Variants in TRIP4 observed in about 807,000 individuals in gnomAD.
TRIP4 encodes the protein thyroid hormone receptor interactor 4.
A neutral mutation model predicts 81.8 loss-of-function variants in TRIP4; 54 were observed. The ratio of observed to expected loss-of-function variants is 0.66; its 90% CI spans 0.53 to 0.83. TRIP4 has a LOEUF of 0.83. Among genes scored for constraint, TRIP4 ranks in the 40% least tolerant of loss-of-function variants. The probability of loss-of-function intolerance (pLI) is 0.00; values close to 1 mark genes in which losing one functional copy is unlikely to be tolerated. For synonymous variants in TRIP4, 270 were observed against 242.8 expected (o/e 1.11, Z -1.04); for missense variants, 662 against 683.6 (o/e 0.97, Z 0.35).
In TRIP4 at chr15:64,409,559, C is replaced by T. The variant is rs1891713523; in HGVS notation, c.828-54C>T. ...TACCTTGAAACTGTTTTCCAATAAT[C>T]GGTCCTTATTTGTCAACAGATGACC... On this transcript the variant is annotated intron_variant, in intron 6 of 12. Coordinates refer to ENST00000261884, the MANE Select transcript of TRIP4 (RefSeq NM_016213.5). The T allele has an allele frequency of 9.2e-6, 14 of 1,513,610 alleles. 1 individual carries two copies. In the East Asian group the frequency reaches 1.1e-4, roughly 12 times the overall value. 93.8% of individuals were successfully genotyped at this position (1,513,610 alleles called of 1,614,324 possible). A position where few individuals can be genotyped will look rare whatever the true frequency, so the allele number is the denominator to read the frequency against.
Position 64,425,648 on chromosome 15 carries a change from T to G in TRIP4, c.1575+17T>G. ...AAGGAGCAGGTGAGTAAAGAATACTTTTTTTTTTTAGAGACAGGGTTTCGC... is the reference window on the plus strand; with the variant it reads ...AAGGAGCAGGTGAGTAAAGAATACTGTTTTTTTTTAGAGACAGGGTTTCGC... On this transcript the variant is annotated intron_variant, in intron 11 of 12. Coordinates refer to ENST00000261884, the MANE Select transcript of TRIP4 (RefSeq NM_016213.5). The G allele has an allele frequency of 1.3e-6, 2 of 1,535,476 alleles. No individual in the cohort carries two copies. The highest frequency in any genetic ancestry group is 1.8e-6 in the Non-Finnish European group (2 of 1,129,358).
intron 1 of TRIP4, among the ~76,000 whole-genome samples, chr15:64,392,152 G>A (rs1900151942): frequency 6.6e-6 from 1 of 150,978 alleles, no homozygotes; most frequent in African/African-American, 2.4e-5. Flanking sequence ...ACAAAAATTA[G>A]CCGGGTGTGG....
chr15:64,448,696 C>G lies in TRIP4; in HGVS notation c.1678+3588C>G, dbSNP rs373354568. Among the ~76,000 whole-genome samples, 6 of 152,240 alleles carry G rather than the reference C, an allele frequency of 3.9e-5. No individual in the cohort carries two copies. The East Asian group carries it at 1.2e-3, about 29-fold the overall frequency. On this transcript the variant is annotated intron_variant, in intron 12 of 12. Coordinates refer to ENST00000261884, the MANE Select transcript of TRIP4 (RefSeq NM_016213.5). Reference sequence around the variant, plus strand: ...CCCAGGCTGGTCTTGAACTCCTGAGCTCAGGTGATCCATCCACCTTGGCCT... The same window carrying G: ...CCCAGGCTGGTCTTGAACTCCTGAGGTCAGGTGATCCATCCACCTTGGCCT...
chr15:64,453,765 T>C (rs1368410699), intron 12 of TRIP4, among the ~76,000 whole-genome samples: 1 of 152,196 alleles, frequency 6.6e-6, no homozygotes, highest in East Asian at 1.9e-4. Context: ...AAGAGAGATA[T>C]ACAGACAGAC....
At chr15:64,420,514 T>C (rs1891988049) in intron 9 of TRIP4, among the ~76,000 whole-genome samples, 1 of 140,498 alleles carries the variant, frequency 7.1e-6, no homozygotes, top group African/African-American at 2.5e-5. Context: ...AACATATGTC[T>C]TTTGCTTCTT....
At chr15:64,425,754 A>AG in intron 11 of TRIP4, 123 bp downstream of exon 11, 4 of 659,948 alleles carry the variant, frequency 6.1e-6, no homozygotes, top group Non-Finnish European at 7.5e-6. Flanking sequence ...ATGAGCCACC[A>AG]CACCCAGCCT....
rs566329448 is a variant in TRIP4, at chr15:64,411,917, G to A, written c.1043+2089G>A. ...AGGATGGTCTCAATCTCCTGACCTC[G>A]TGATCCACCCGCCTCGGCCTCCCAA... On this transcript the variant is annotated intron_variant, in intron 7 of 12. Coordinates refer to ENST00000261884, the MANE Select transcript of TRIP4 (RefSeq NM_016213.5). Among the ~76,000 whole-genome samples, 6 of 139,834 alleles carry A rather than the reference G, an allele frequency of 4.3e-5. No individual in the cohort carries two copies. The East Asian group carries it at 1.1e-3, about 25-fold the overall frequency. The allele number at this position is 139,834 out of a possible 152,430, so 91.7% of individuals were successfully genotyped here. A position where few individuals can be genotyped will look rare whatever the true frequency, so the allele number is the denominator to read the frequency against.
chr15:64,398,079 T>G (rs536633351), intron 4 of TRIP4, among the ~76,000 whole-genome samples: 1 of 152,168 alleles, frequency 6.6e-6, no homozygotes, highest in Non-Finnish European at 1.5e-5. Flanking sequence ...TTTTTTGTAT[T>G]TTTATTAGAG....
intron 8 of TRIP4, among the ~76,000 whole-genome samples, chr15:64,414,593 T>A (rs1460658936): frequency 2.2e-5 from 3 of 135,908 alleles, no homozygotes; most frequent in Non-Finnish European, 3.1e-5. Context: ...CTCGGGTCAC[T>A]GCAACCTCCG....
chr15:64,449,984 C>G (rs1300732365), intron 12 of TRIP4, among the ~76,000 whole-genome samples: 1 of 152,108 alleles, frequency 6.6e-6, no homozygotes. Flanking sequence ...AACACTGAAA[C>G]GATTAGGTAC....
chr15:64,405,339 G>A (rs1462405668), intron 5 of TRIP4, among the ~76,000 whole-genome samples: 2 of 151,500 alleles, frequency 1.3e-5, no homozygotes, highest in African/African-American at 4.9e-5. Context: ...TATTTTTAGT[G>A]GAGACAGGGT....
chr15:64,425,152 T>G (rs773245532), intron 10 of TRIP4, among the ~76,000 whole-genome samples: 1 of 152,114 alleles, frequency 6.6e-6, no homozygotes, highest in African/African-American at 2.4e-5. Flanking sequence ...TTTAACCACA[T>G]TTTGATGTTT....
At chr15:64,446,827 G>A (rs1454795776) in intron 12 of TRIP4, among the ~76,000 whole-genome samples, 4 of 151,818 alleles carry the variant, frequency 2.6e-5, no homozygotes, top group Non-Finnish European at 5.9e-5. Flanking sequence ...ATAGTGGGCC[G>A]GGCGTGGTGG....
At chr15:64,417,768 C>T (rs559763850) in intron 8 of TRIP4, among the ~76,000 whole-genome samples, 8 of 152,182 alleles carry the variant, frequency 5.3e-5, no homozygotes, top group Non-Finnish European at 1.2e-4. Context: ...TCTGACCTGA[C>T]AACATCTGTT....
At chr15:64,443,251 A>C (rs1048521446) in intron 11 of TRIP4, among the ~76,000 whole-genome samples, 3 of 152,220 alleles carry the variant, frequency 2.0e-5, no homozygotes, top group African/African-American at 7.2e-5. Context: ...ATTTTGTTTC[A>C]TGCCAGACAT....
Position 64,409,739 on chromosome 15 carries a change from C to T in TRIP4, c.954C>T (p.His318=), listed in dbSNP as rs138922831. 198 of 1,614,076 alleles carry T rather than the reference C, an allele frequency of 1.2e-4. No homozygotes were observed. Among genetic ancestry groups the T allele is most frequent in the African/African-American group, 5.5e-4 (41 of 74,998 alleles). Reference sequence around the variant, plus strand: ...AGGAGGAGCTGAGAGAACTTCGACACGCCTCTCGACTTTCTAAGAAGGTCA... The same window carrying T: ...AGGAGGAGCTGAGAGAACTTCGACATGCCTCTCGACTTTCTAAGAAGGTCA... ...KREEELRELR[H]ASRLSKKVTI... The change falls in exon 7 of 13, where the codon CAC becomes CAT. Residue 318 remains histidine (H), a synonymous_variant. Coordinates refer to ENST00000261884, the MANE Select transcript of TRIP4 (RefSeq NM_016213.5).
Position 64,418,469 on chromosome 15 carries a change from C to A in TRIP4, c.1171-72C>A, listed in dbSNP as rs188757575. 10 of 1,404,022 alleles carry A rather than the reference C, an allele frequency of 7.1e-6. No homozygotes were observed. The Admixed American group carries it at 1.2e-4, about 17-fold the overall frequency. 87.0% of individuals were successfully genotyped at this position (1,404,022 alleles called of 1,614,324 possible). ...ATATGATTTCCTCATTATTAGCATT[C>A]GCATCATTTTGTCTACCTACCCCAG... On this transcript the variant is annotated intron_variant, in intron 8 of 12. Coordinates refer to ENST00000261884, the MANE Select transcript of TRIP4 (RefSeq NM_016213.5).
In TRIP4 at chr15:64,400,780, A is replaced by G; in HGVS notation, c.656A>G (p.Asp219Gly). The G allele has an allele frequency of 6.2e-7, 1 of 1,614,130 alleles. No individual in the cohort carries two copies. The highest frequency in any genetic ancestry group is 8.5e-7 in the Non-Finnish European group (1 of 1,180,016). Residue 219 changes from aspartate to glycine, a missense_variant, in exon 5 of 13, where the codon GAC becomes GGC. Transcript: ENST00000261884. Reference protein sequence around the residue: ...THEEQDILQRDSNKSQKLLKK... With the variant: ...THEEQDILQRGSNKSQKLLKK... ...GAGGAACAAGATATTTTACAGCGTG[A>G]CTCAAACAAGAGCCAGAAACTGCTA...
Position 64,409,627 on chromosome 15 carries a change from A to T in TRIP4, c.842A>T (p.Gln281Leu). The T allele has an allele frequency of 6.2e-7, 1 of 1,614,162 alleles. No individual in the cohort carries two copies. Among genetic ancestry groups the T allele is most frequent in the Non-Finnish European group, 8.5e-7 (1 of 1,180,010 alleles). Residue 281 changes from glutamine to leucine, a missense_variant, in exon 7 of 13, where the codon CAA (glutamine) becomes CTA (leucine). Transcript: ENST00000261884. ...CTTTTTCTCAGTATTCGAAGGACCC[A>T]AGTCATTGATGATGAGTCAGATTAC... ...EFDRTSIRRTQVIDDESDYFA... is the reference protein window; with the variant it reads ...EFDRTSIRRTLVIDDESDYFA...
Sources: gnomAD v4.1 joint callset for allele counts (sites outside exome capture counted in the v4.1 genomes callset) on GRCh38, gnomAD v4.1.1 for gene constraint, MANE v1.5 for transcripts, NCBI Gene and HGNC (gene_info 2026-07-23, HGNC 2026-07-21) for gene names.